Variants in BCL2 observed in about 807,000 individuals in gnomAD.
The protein encoded by BCL2 is apoptosis regulator Bcl-2.
BCL2 carries 1 observed loss-of-function variant against 14.2 expected under a neutral mutation model. The observed-to-expected ratio is 0.07, with a 90% CI of 0.02 to 0.33. The LOEUF is 0.33. Among genes scored for constraint, BCL2 ranks in the 10% least tolerant of loss-of-function variants. BCL2 has a pLI of 0.99. For missense variants in BCL2, 247 were observed against 305.9 expected (o/e 0.81, Z 1.44); for synonymous variants, 151 against 137.2 (o/e 1.10, Z -0.70).
At chr18:63,275,651 T>G (rs1334268645) in intron 2 of BCL2, among the ~76,000 whole-genome samples, 2 of 152,244 alleles carry the variant, frequency 1.3e-5, no homozygotes, top group Non-Finnish European at 2.9e-5. Flanking sequence ...AGTTATTGTT[T>G]GTAATTTCCA....
intron 2 of BCL2, among the ~76,000 whole-genome samples, chr18:63,263,045 A>C (rs1367767763): frequency 6.6e-6 from 1 of 152,318 alleles, no homozygotes; most frequent in Non-Finnish European, 1.5e-5. Flanking sequence ...AAGAGAGGAG[A>C]TAACTGAAGA....
chr18:63,243,595 G>C (rs770600912), intron 2 of BCL2, among the ~76,000 whole-genome samples: 11 of 152,160 alleles, frequency 7.2e-5, no homozygotes, highest in Non-Finnish European at 1.6e-4. Context: ...GGGAGGAGGG[G>C]TAATGTCCCA....
intron 2 of BCL2, among the ~76,000 whole-genome samples, chr18:63,177,008 C>T (rs1915366601): frequency 6.6e-6 from 1 of 151,702 alleles, no homozygotes; most frequent in Admixed American, 6.6e-5. Context: ...CCTCGACTTC[C>T]TGGGCTCAGG....
intron 2 of BCL2, among the ~76,000 whole-genome samples, chr18:63,275,963 G>A (rs1912139450): frequency 1.3e-5 from 2 of 152,242 alleles, no homozygotes; most frequent in African/African-American, 4.8e-5. Flanking sequence ...TGTATGGTGG[G>A]AAGGGAGTGA....
At chr18:63,267,601 G>T (rs1911870290) in intron 2 of BCL2, among the ~76,000 whole-genome samples, 1 of 152,206 alleles carries the variant, frequency 6.6e-6, no homozygotes, top group African/African-American at 2.4e-5. Context: ...TCCCAAATTT[G>T]TTGAGGTTGA....
At chr18:63,304,267 G>A (rs1913052593) in intron 2 of BCL2, among the ~76,000 whole-genome samples, 1 of 152,142 alleles carries the variant, frequency 6.6e-6, no homozygotes, top group Non-Finnish European at 1.5e-5. Flanking sequence ...CCAGCCCCTA[G>A]AACAATGATT....
chr18:63,201,971 G>A (rs1010263657), intron 2 of BCL2, among the ~76,000 whole-genome samples: 2 of 152,046 alleles, frequency 1.3e-5, no homozygotes, highest in Non-Finnish European at 2.9e-5. Context: ...AGAAATTAAA[G>A]TATAATAATA....
intron 2 of BCL2, among the ~76,000 whole-genome samples, chr18:63,291,760 T>A (rs1912652404): frequency 6.8e-6 from 1 of 146,954 alleles, no homozygotes; most frequent in African/African-American, 2.6e-5. Context: ...CGGGAAAAAA[T>A]GCTGAAAGAA....
chr18:63,228,319 A>G (rs893646267), intron 2 of BCL2, among the ~76,000 whole-genome samples: 3 of 152,216 alleles, frequency 2.0e-5, no homozygotes, highest in Admixed American at 6.5e-5. Context: ...CATTCAGTTT[A>G]TATAAGCAAT....
intron 2 of BCL2, among the ~76,000 whole-genome samples, chr18:63,260,705 GA>G (rs35829205): frequency 0.3 from 44,996 of 149,706 alleles, 7,565 homozygotes; most frequent in Middle Eastern, 0.43. Context: ...TTTAAAAATG[GA>G]AAAAAAAAAG....
chr18:63,249,817 GACTC>G (rs1911255906), intron 2 of BCL2, among the ~76,000 whole-genome samples: 1 of 150,846 alleles, frequency 6.6e-6, no homozygotes, highest in Non-Finnish European at 1.5e-5. Flanking sequence ...TGACACGTTT[GACTC>G]ACTAAAAAAA....
chr18:63,258,167 TG>T (rs1281036270), intron 2 of BCL2, among the ~76,000 whole-genome samples: 1 of 151,968 alleles, frequency 6.6e-6, no homozygotes, highest in African/African-American at 2.4e-5. Context: ...CTGGAAGAGG[TG>T]GGGGGTGGAT....
chr18:63,254,865 T>C (rs890776994), intron 2 of BCL2, among the ~76,000 whole-genome samples: 4 of 152,128 alleles, frequency 2.6e-5, no homozygotes, highest in African/African-American at 9.7e-5. Flanking sequence ...CTCTGTTCAA[T>C]GAGGGCAGAA....
intron 2 of BCL2, among the ~76,000 whole-genome samples, chr18:63,214,615 A>C (rs1169390217): frequency 6.7e-6 from 1 of 148,934 alleles, no homozygotes; most frequent in Non-Finnish European, 1.5e-5. Context: ...CACACTAATC[A>C]AAAACTGTCG....
intron 2 of BCL2, among the ~76,000 whole-genome samples, chr18:63,239,921 G>A (rs1305030071): frequency 6.6e-6 from 1 of 152,218 alleles, no homozygotes; most frequent in Non-Finnish European, 1.5e-5. Flanking sequence ...GCATTGTGGA[G>A]AAGAGAGAGA....
intron 2 of BCL2, among the ~76,000 whole-genome samples, chr18:63,246,254 C>T (rs1450250136): frequency 6.6e-6 from 1 of 152,144 alleles, no homozygotes; most frequent in Non-Finnish European, 1.5e-5. Context: ...CTTCTGTCTC[C>T]AAGTTTTTCC....
chr18:63,260,665 C>T (rs1218843105), intron 2 of BCL2, among the ~76,000 whole-genome samples: 3 of 151,332 alleles, frequency 2.0e-5, no homozygotes, highest in Admixed American at 6.6e-5. Flanking sequence ...AACAAACTCA[C>T]GAGAGAAAGG....
rs150369294 is a variant in BCL2 at position 63,161,169 on chromosome 18, C to T, written c.586-32410G>A. Among the ~76,000 whole-genome samples the T allele has an allele frequency of 8.7e-4, 133 of 152,316 alleles. 3 individuals are homozygous for T. In the South Asian group the frequency reaches 0.013, roughly 15 times the overall value. On this transcript the variant is annotated intron_variant, in intron 2 of 2. Transcript: ENST00000333681. ...GAAAAGGTCACCTCCCTGCCTCACA[C>T]CCTCTCGTAAGTATTAAGAGCATAA... is the stretch of plus-strand genomic sequence containing the variant.
chr18:63,272,669 T>C (rs530014456), intron 2 of BCL2, among the ~76,000 whole-genome samples: 6 of 152,352 alleles, frequency 3.9e-5, no homozygotes, highest in Non-Finnish European at 5.9e-5. Flanking sequence ...GTAATCTGAA[T>C]GTTCAGACTT....
Sources: allele counts gnomAD v4.1 joint callset (sites outside exome capture counted in the v4.1 genomes callset), GRCh38; gene constraint gnomAD v4.1.1; transcripts MANE v1.5; gene names NCBI Gene and HGNC (gene_info 2026-07-23, HGNC 2026-07-21).